The following GSTCD variants were observed in gnomAD, a reference collection of about 807,000 sequenced individuals.
The protein encoded by GSTCD is glutathione S-transferase C-terminal domain containing.
Under a neutral mutation model 68.3 loss-of-function variants are expected in GSTCD, and 44 were observed. The ratio of observed to expected loss-of-function variants is 0.64; its 90% CI spans 0.51 to 0.83. The LOEUF (loss-of-function observed/expected upper bound fraction) is 0.83, where lower values mean the gene tolerates loss of function less well. Ranked by LOEUF, GSTCD falls within the 40% of genes least tolerant of loss-of-function variation. GSTCD has a pLI of 0.00. For synonymous variants in GSTCD, 273 were observed against 255.2 expected, an observed-to-expected ratio of 1.07 and a Z score of -0.67; for missense variants, 739 against 735.9, an observed-to-expected ratio of 1.00 and a Z score of -0.05.
chr4:105,749,004 G>T (rs1733910970), intron 5 of GSTCD, among the ~76,000 whole-genome samples: 1 of 151,706 alleles, frequency 6.6e-6, no homozygotes, highest in African/African-American at 2.4e-5. Context: ...TTTATAATAG[G>T]TTTTAATGAA....
At chr4:105,779,623 A>G (rs568001182) in intron 5 of GSTCD, among the ~76,000 whole-genome samples, 1 of 152,198 alleles carries the variant, frequency 6.6e-6, no homozygotes, top group Non-Finnish European at 1.5e-5. Flanking sequence ...ATATAGAAAG[A>G]CACTCTTTAG....
intron 5 of GSTCD, among the ~76,000 whole-genome samples, chr4:105,812,616 A>G (rs755379039): frequency 6.6e-6 from 1 of 152,032 alleles, no homozygotes; most frequent in Non-Finnish European, 1.5e-5. Flanking sequence ...AGAAGCACCT[A>G]CTCTGGGTAT....
chr4:105,727,456 C>T (rs1383135084), intron 4 of GSTCD, among the ~76,000 whole-genome samples: 3 of 148,500 alleles, frequency 2.0e-5, no homozygotes, highest in Non-Finnish European at 4.4e-5. Flanking sequence ...CTTCGGAGGG[C>T]GGAGGTTTCA....
intron 7 of GSTCD, 112 bp downstream of exon 7, chr4:105,823,387 T>C (rs1723411284): frequency 1.3e-6 from 1 of 793,312 alleles, no homozygotes; most frequent in African/African-American, 1.7e-5. Flanking sequence ...AAGTCAAATA[T>C]GTGGCACAGG....
intron 5 of GSTCD, among the ~76,000 whole-genome samples, chr4:105,750,107 A>G (rs1390838949): frequency 6.6e-6 from 1 of 152,222 alleles, no homozygotes; most frequent in Non-Finnish European, 1.5e-5. Flanking sequence ...TATCAGGGAA[A>G]TGTAAATTTA....
chr4:105,844,566 T>C (rs1724479440), intron 11 of GSTCD, among the ~76,000 whole-genome samples: 1 of 152,238 alleles, frequency 6.6e-6, no homozygotes, highest in Admixed American at 6.5e-5. Context: ...TTTATCAGTT[T>C]CCACTGTCAT....
At chr4:105,769,239 A>AT (rs1560820255) in intron 5 of GSTCD, among the ~76,000 whole-genome samples, 2 of 8,210 alleles carry the variant, frequency 2.4e-4, no homozygotes, top group African/African-American at 4.0e-4. Flanking sequence ...GCGCGCACAC[A>AT]CACACACACA....
chr4:105,717,756 T>C lies in GSTCD; in HGVS notation c.143T>C (p.Ile48Thr), dbSNP rs769588003. ...LSYCDCKIFK[I>T]CLVVTKEVSR... is the part of the protein sequence containing the mutation. Reference sequence around the variant, plus strand: ...TACTGTGACTGTAAAATCTTTAAAATTTGCTTAGTTGTCACCAAAGAGGTG... The same window carrying C: ...TACTGTGACTGTAAAATCTTTAAAACTTGCTTAGTTGTCACCAAAGAGGTG... Residue 48 changes from isoleucine to threonine, a missense_variant, in exon 2 of 12, where the codon ATT (isoleucine) becomes ACT (threonine). Transcript: ENST00000515279. 26 of 1,613,822 alleles carry C rather than the reference T, an allele frequency of 1.6e-5. No homozygotes were observed. The highest frequency in any genetic ancestry group is 2.2e-5 in the Non-Finnish European group (26 of 1,179,886).
In GSTCD at chr4:105,726,774, G is replaced by C; in HGVS notation, c.1090G>C (p.Glu364Gln). ...CTTATGTGAAGTCCCAGGTGTAGAAGAGCAAAGCGATCCTTTATTTATAGG... is the reference window on the plus strand; with the variant it reads ...CTTATGTGAAGTCCCAGGTGTAGAACAGCAAAGCGATCCTTTATTTATAGG... Reference protein sequence around the residue: ...PNLCEVPGVEEQSDPLFIGGP... With the variant: ...PNLCEVPGVEQQSDPLFIGGP... Residue 364 changes from glutamate (E) to glutamine (Q), a missense_variant, in exon 4 of 12, where the codon GAG (glutamate) becomes CAG (glutamine). Physicochemically the swap from Glu to Gln is conservative, Grantham distance 29. Coordinates refer to ENST00000515279, the MANE Select transcript of GSTCD (RefSeq NM_001370181.1). The C allele has an allele frequency of 6.2e-7, 1 of 1,613,726 alleles. No individual in the cohort carries two copies. Among genetic ancestry groups the C allele is most frequent in the Non-Finnish European group, 8.5e-7 (1 of 1,179,730 alleles).
chr4:105,793,229 T>A (rs1327385930), intron 5 of GSTCD, among the ~76,000 whole-genome samples: 1 of 152,000 alleles, frequency 6.6e-6, no homozygotes, highest in African/African-American at 2.4e-5. Flanking sequence ...TATAGCAAGA[T>A]GTGCACTAGT....
chr4:105,739,156 G>GA (rs1460006925), intron 5 of GSTCD, among the ~76,000 whole-genome samples: 1 of 152,094 alleles, frequency 6.6e-6, no homozygotes. Context: ...TGCATATGTT[G>GA]AATTATCCTT....
At chr4:105,794,244 G>T (rs530318575) in intron 5 of GSTCD, among the ~76,000 whole-genome samples, 1 of 151,960 alleles carries the variant, frequency 6.6e-6, no homozygotes, top group African/African-American at 2.4e-5. Flanking sequence ...AGTGGTTGCC[G>T]GACTACTGGG....
At position 105,743,074 on chromosome 4, in the gene GSTCD, C is replaced by G. The variant is rs12498697; in HGVS notation, c.1240+13575C>G. Among the ~76,000 whole-genome samples the G allele has an allele frequency of 3.6e-3, 542 of 151,854 alleles. 5 individuals are homozygous for G. The highest frequency in any genetic ancestry group is 0.028 in the Admixed American group (428 of 15,246). The stretch of plus-strand genomic sequence containing the variant: ...ACGCCATTCTCCTGCCTCAGCCTCC[C>G]GAGTAGCTGGGACTACAGGCGCCCG... On this transcript the variant is annotated intron_variant, in intron 5 of 11. Transcript: ENST00000515279.
chr4:105,766,856 G>A (rs914652655), intron 5 of GSTCD, among the ~76,000 whole-genome samples: 2 of 128,196 alleles, frequency 1.6e-5, no homozygotes, highest in Admixed American at 7.7e-5. Flanking sequence ...AGATGGATTA[G>A]TGTCCCAAAA....
At chr4:105,772,763 A>G (rs1000502009) in intron 5 of GSTCD, among the ~76,000 whole-genome samples, 1 of 152,226 alleles carries the variant, frequency 6.6e-6, no homozygotes, top group African/African-American at 2.4e-5. Context: ...GTTTGCCAGT[A>G]TTTTATTGAG....
intron 5 of GSTCD, among the ~76,000 whole-genome samples, chr4:105,819,664 G>A (rs964719563): frequency 2.0e-5 from 3 of 151,614 alleles, no homozygotes; most frequent in Non-Finnish European, 4.4e-5. Context: ...GACCTCTTTT[G>A]AAAACATTAA....
chr4:105,776,205 C>A (rs1260240055), intron 5 of GSTCD, among the ~76,000 whole-genome samples: 1 of 152,164 alleles, frequency 6.6e-6, no homozygotes, highest in Non-Finnish European at 1.5e-5. Flanking sequence ...ACACCAAGCT[C>A]CAAAGTTGCC....
At chr4:105,822,038 A>C (rs1468077590) in intron 5 of GSTCD, among the ~76,000 whole-genome samples, 1 of 151,990 alleles carries the variant, frequency 6.6e-6, no homozygotes, top group Non-Finnish European at 1.5e-5. Context: ...ATTTTTTATC[A>C]AACCAAAAAG....
At chr4:105,715,845 A>G (rs1275613361) in intron 1 of GSTCD, among the ~76,000 whole-genome samples, 1 of 151,994 alleles carries the variant, frequency 6.6e-6, no homozygotes, top group African/African-American at 2.4e-5. Flanking sequence ...TCTGGTACGT[A>G]TTTCCATGGT....
Sources: gnomAD v4.1 joint callset for allele counts (sites outside exome capture counted in the v4.1 genomes callset) on GRCh38, gnomAD v4.1.1 for gene constraint, MANE v1.5 for transcripts, NCBI Gene and HGNC (gene_info 2026-07-23, HGNC 2026-07-21) for gene names.